Variants in ABL1 observed in about 807,000 individuals in gnomAD.
ABL1 encodes ABL proto-oncogene 1, non-receptor tyrosine kinase.
A neutral mutation model predicts 94.7 loss-of-function variants in ABL1; 11 were observed. That is an observed-to-expected ratio of 0.12 (90% CI 0.07 to 0.19). The LOEUF (loss-of-function observed/expected upper bound fraction) is 0.19. Among genes scored for constraint, ABL1 ranks in the 10% least tolerant of loss-of-function variants. The pLI is 1.00. For missense variants in ABL1, 1,082 were observed against 1,489.4 expected, an observed-to-expected ratio of 0.73 and a Z score of 4.50; for synonymous variants, 656 against 622.4, an observed-to-expected ratio of 1.05 and a Z score of -0.80.
chr9:130,752,627 A>C (rs893424273), intron 1 of ABL1, among the ~76,000 whole-genome samples: 2 of 152,274 alleles, frequency 1.3e-5, no homozygotes, highest in East Asian at 3.9e-4. Context: ...CATGGCCAAC[A>C]TGAAAATTAG....
At chr9:130,864,454 T>A (rs1258993404) in intron 4 of ABL1, among the ~76,000 whole-genome samples, 1 of 152,122 alleles carries the variant, frequency 6.6e-6, no homozygotes, top group Non-Finnish European at 1.5e-5. Context: ...TGTGTTGGCC[T>A]GGCTGGTCTC....
Position 130,861,083 on chromosome 9 carries a change from G to A in ABL1, c.550-1680G>A, listed in dbSNP as rs184473982. On this transcript the variant is annotated intron_variant, in intron 3 of 10. Coordinates refer to ENST00000318560, the MANE Select transcript of ABL1 (RefSeq NM_005157.6). Reference sequence around the variant, plus strand: ...CAGTTCACTCAGAGGCTTCTCTTCCGTGCTCTCAAGAATAAAAGCAGGGCC... The same window carrying A: ...CAGTTCACTCAGAGGCTTCTCTTCCATGCTCTCAAGAATAAAAGCAGGGCC... Among the ~76,000 whole-genome samples, 5 of 152,230 alleles carry A rather than the reference G, an allele frequency of 3.3e-5. No individual in the cohort carries two copies. The East Asian group carries it at 5.8e-4, about 18-fold the overall frequency.
intron 1 of ABL1, among the ~76,000 whole-genome samples, chr9:130,784,820 AG>A (rs1471516002): frequency 6.6e-6 from 1 of 152,192 alleles, no homozygotes; most frequent in Non-Finnish European, 1.5e-5. Flanking sequence ...AAGCTACAGG[AG>A]GCTTAGAGTG....
At chr9:130,883,247 C>G (rs1032334983) in intron 10 of ABL1, among the ~76,000 whole-genome samples, 20 of 152,218 alleles carry the variant, frequency 1.3e-4, no homozygotes, top group African/African-American at 4.8e-4. Flanking sequence ...CCTGTAATCC[C>G]AGCACTTTGG....
intron 1 of ABL1, among the ~76,000 whole-genome samples, chr9:130,838,785 T>G (rs905896805): frequency 6.6e-6 from 1 of 152,272 alleles, no homozygotes; most frequent in Admixed American, 6.5e-5. Context: ...TTTATTTTCA[T>G]TTGTTCATGT....
At chr9:130,869,074 G>A (rs1158136108) in intron 4 of ABL1, among the ~76,000 whole-genome samples, 3 of 152,064 alleles carry the variant, frequency 2.0e-5, no homozygotes, top group Non-Finnish European at 4.4e-5. Context: ...GGCTGAGGCA[G>A]GAGAATGGTG....
At chr9:130,833,066 CAAG>C (rs563215562), upstream of ABL1, among the ~76,000 whole-genome samples, 922 of 151,942 alleles carry the variant, frequency 6.1e-3, 8 homozygotes, top group African/African-American at 0.021. Flanking sequence ...ATTTTAGACT[CAAG>C]AGCAGAATAT....
At chr9:130,724,851 C>T (rs1486661706) in intron 1 of ABL1, 11 of 476,364 alleles carry the variant, frequency 2.3e-5, no homozygotes, top group African/African-American at 4.0e-5. Flanking sequence ...TGGAAATCCA[C>T]GCCGCTTCAT....
chr9:130,809,149 C>T (rs1830169613), intron 1 of ABL1, among the ~76,000 whole-genome samples: 1 of 152,142 alleles, frequency 6.6e-6, no homozygotes, highest in Admixed American at 6.5e-5. Flanking sequence ...GAACACTGGC[C>T]TGCAGATGCC....
chr9:130,743,940 T>C (rs1394980712), intron 1 of ABL1, among the ~76,000 whole-genome samples: 1 of 152,144 alleles, frequency 6.6e-6, no homozygotes, highest in Non-Finnish European at 1.5e-5. Flanking sequence ...AGTGGCCACA[T>C]TGAGGGATTG....
At chr9:130,714,576 A>G (rs1831412835) in intron 1 of ABL1, 1 of 1,326,364 alleles carries the variant, frequency 7.5e-7, no homozygotes, top group East Asian at 2.3e-5. Context: ...TAAATTTGTT[A>G]CTGTAGTTAT....
chr9:130,717,011 G>T (rs150364993), intron 1 of ABL1, among the ~76,000 whole-genome samples: 31 of 151,974 alleles, frequency 2.0e-4, no homozygotes, highest in Middle Eastern at 3.4e-3. Flanking sequence ...GTATTATTTG[G>T]AAGATCTACA....
At chr9:130,850,912 TTTTG>T (rs574899693) in intron 1 of ABL1, among the ~76,000 whole-genome samples, 2,090 of 135,856 alleles carry the variant, frequency 0.015, 29 homozygotes, top group Middle Eastern at 0.035. Flanking sequence ...TTTTGTTTGT[TTTTG>T]TTTGTTTGTT....
chr9:130,741,732 T>TA (rs1462600822), intron 1 of ABL1, among the ~76,000 whole-genome samples: 1 of 152,244 alleles, frequency 6.6e-6, no homozygotes, highest in African/African-American at 2.4e-5. Flanking sequence ...GTATACCAGT[T>TA]ACCATGCCAG....
In ABL1 at chr9:130,814,285, CAAAA is replaced by C. The variant is rs34978348; in HGVS notation, c.137-39772_137-39769del. 7.2e-6 allele frequency among the ~76,000 whole-genome samples: 1 copy of C among 138,046 alleles called. No homozygotes were observed. Among genetic ancestry groups the C allele is most frequent in the Admixed American group, 7.4e-5 (1 of 13,522 alleles). 90.6% of individuals were successfully genotyped at this position (138,046 alleles called of 152,430 possible). A position where few individuals can be genotyped will look rare whatever the true frequency, so the allele number is the denominator to read the frequency against. ...CTAGCGACAGAACGAGACTCCGTCT[CAAAA>C]AAAAAAGAAAGAAAGAAAGAAAAAG... On this transcript the variant is annotated intron_variant, in intron 1 of 10. Transcript: ENST00000372348. The surrounding 1 kb of genome is among the most constrained non-coding windows in gnomAD (Gnocchi z 4.4).
At chr9:130,724,744 C>CT (rs1335104904) in intron 1 of ABL1, 4 of 325,672 alleles carry the variant, frequency 1.2e-5, no homozygotes, top group African/African-American at 5.1e-5. Context: ...GAAACCCTGT[C>CT]TTTAAAAAAA....
At chr9:130,809,282 G>T (rs1401035230) in intron 1 of ABL1, among the ~76,000 whole-genome samples, 2 of 151,868 alleles carry the variant, frequency 1.3e-5, no homozygotes, top group African/African-American at 4.8e-5. Context: ...GTTCACACAG[G>T]GCCAGAAATA....
At chr9:130,802,508 A>G (rs1449155461) in intron 1 of ABL1, among the ~76,000 whole-genome samples, 1 of 151,992 alleles carries the variant, frequency 6.6e-6, no homozygotes, top group Admixed American at 6.6e-5. Flanking sequence ...TGAATTTTTT[A>G]TTTCAAAAAG....
intron 1 of ABL1, among the ~76,000 whole-genome samples, chr9:130,737,309 C>G (rs769184837): frequency 7.2e-5 from 11 of 152,008 alleles, no homozygotes; most frequent in Non-Finnish European, 1.5e-4. Flanking sequence ...ACTCTGTCTC[C>G]CAGGCTGGAG....
Sources: gnomAD v4.1 joint callset for allele counts (sites outside exome capture counted in the v4.1 genomes callset) on GRCh38, gnomAD v4.1.1 for gene constraint, Gnocchi (gnomAD v3.1) non-coding constraint, MANE v1.5 for transcripts, NCBI Gene and HGNC (gene_info 2026-07-23, HGNC 2026-07-21) for gene names.